IFNLR1: variants seen among roughly 807,000 people sequenced by gnomAD.
The protein encoded by IFNLR1 is interferon lambda receptor 1.
A neutral mutation model predicts 52.5 loss-of-function variants in IFNLR1; 28 were observed. The ratio of observed to expected loss-of-function variants is 0.53; its 90% CI spans 0.40 to 0.73. The LOEUF (loss-of-function observed/expected upper bound fraction) is 0.73. Ranked by LOEUF, IFNLR1 falls within the 30% of genes least tolerant of loss-of-function variation. The pLI is 0.00. For synonymous variants in IFNLR1, 276 were observed against 274.9 expected, an observed-to-expected ratio of 1.00 and a Z score of -0.04; for missense variants, 623 against 659.1, an observed-to-expected ratio of 0.95 and a Z score of 0.60.
chr1:24,185,488 T>C (rs562715759), intron 1 of IFNLR1, among the ~76,000 whole-genome samples: 8 of 152,376 alleles, frequency 5.3e-5, no homozygotes, highest in African/African-American at 1.9e-4. Context: ...CCATACGGGT[T>C]GCAAAATGGC....
chr1:24,174,638 G>A (rs985489605), intron 2 of IFNLR1, among the ~76,000 whole-genome samples: 1 of 152,132 alleles, frequency 6.6e-6, no homozygotes, highest in Non-Finnish European at 1.5e-5. Context: ...AAGTTCATTG[G>A]CTAGCCATCT....
chr1:24,183,791 A>T (rs1644712799), intron 1 of IFNLR1, among the ~76,000 whole-genome samples: 1 of 152,144 alleles, frequency 6.6e-6, no homozygotes, highest in Admixed American at 6.6e-5. Flanking sequence ...GTACAGTGGC[A>T]CAATCTCAGC....
chr1:24,186,949 T>C (rs1203241015), intron 1 of IFNLR1, among the ~76,000 whole-genome samples: 1 of 152,212 alleles, frequency 6.6e-6, no homozygotes, highest in Non-Finnish European at 1.5e-5. Context: ...TTTCTCCAGT[T>C]CTCCTGAAGC....
At chr1:24,163,881 A>G (rs1374185403) in intron 3 of IFNLR1, among the ~76,000 whole-genome samples, 1 of 152,044 alleles carries the variant, frequency 6.6e-6, no homozygotes, top group Non-Finnish European at 1.5e-5. Flanking sequence ...TACCCAACCC[A>G]CATCTCTTTC....
chr1:24,180,647 G>C (rs1209786499), intron 2 of IFNLR1, 84 bp downstream of exon 2: 2 of 1,369,302 alleles, frequency 1.5e-6, no homozygotes, highest in Non-Finnish European at 2.0e-6. Flanking sequence ...GCCCACACTG[G>C]GTGCAGCTGT....
At position 24,162,724 on chromosome 1, in the gene IFNLR1, T is replaced by TTTTCTTTC. The variant is rs869032994; in HGVS notation, c.368-1048_368-1041dup. Reference sequence around the variant, plus strand: ...TTCTTTTCTTTTCTTTCTTTCTTTCTTTTCTTTCTTTCTTTCTTTCTTTCT... The same window carrying TTTTCTTTC: ...TTCTTTTCTTTTCTTTCTTTCTTTCTTTTCTTTCTTTCTTTCTTTCTTTCTTTCTTTCT... On this transcript the variant is annotated intron_variant, in intron 3 of 6. Coordinates refer to ENST00000327535, the MANE Select transcript of IFNLR1 (RefSeq NM_170743.4). 1.1e-3 allele frequency among the ~76,000 whole-genome samples: 37 copies of TTTTCTTTC among 32,484 alleles called. 2 individuals are homozygous for TTTTCTTTC. Among genetic ancestry groups the TTTTCTTTC allele is most frequent in the Middle Eastern group, 0.012 (1 of 82 alleles). 21.3% of individuals were successfully genotyped at this position (32,484 alleles called of 152,430 possible). A position where few individuals can be genotyped will look rare whatever the true frequency, so the allele number is the denominator to read the frequency against.
In IFNLR1 at chr1:24,159,135, A is replaced by G; in HGVS notation, c.718T>C (p.Leu240=). The G allele has an allele frequency of 6.2e-7, 1 of 1,614,098 alleles. No homozygotes were observed. Among genetic ancestry groups the G allele is most frequent in the South Asian group, 1.1e-5 (1 of 91,070 alleles). Residue 240 remains leucine, a synonymous_variant, in exon 6 of 7, where the codon TTA becomes CTA. Coordinates refer to ENST00000327535, the MANE Select transcript of IFNLR1 (RefSeq NM_170743.4). ...LVLPSLLILL[L]VIAAGGVIWK... ...ATCACACCCCCTGCGGCAATTACTAACAGCAGTATCAGAAGCGATGGCAGC... is the reference window on the plus strand; with the variant it reads ...ATCACACCCCCTGCGGCAATTACTAGCAGCAGTATCAGAAGCGATGGCAGC...
chr1:24,180,678 C>CCCCACCCCCCCCCCCCCCCCCCCTCCT, intron 2 of IFNLR1, 53 bp downstream of exon 2: 1 of 1,111,076 alleles, frequency 9.0e-7, no homozygotes, highest in Admixed American at 2.1e-5. Flanking sequence ...CCCCTCCAGC[C>CCCCACCCCCCCCCCCCCCCCCCCTCCT]CCCACCCACC....
chr1:24,161,537 C>T lies in IFNLR1; in HGVS notation c.510+5G>A. The T allele has an allele frequency of 6.4e-7, 1 of 1,554,782 alleles. No individual in the cohort carries two copies. On this transcript the variant is annotated splice_donor_5th_base_variant and intron_variant, in intron 4 of 6. Coordinates refer to ENST00000327535, the MANE Select transcript of IFNLR1 (RefSeq NM_170743.4). ...TAGCCTGGGGGCAGGAAAGGAGCTT[C>T]CCACCTTGTTTCCGGCCCCCTCCTT...
intron 2 of IFNLR1, among the ~76,000 whole-genome samples, chr1:24,175,284 T>A (rs890011160): frequency 3.3e-5 from 5 of 152,128 alleles, no homozygotes; most frequent in African/African-American, 1.2e-4. Context: ...GAGGGTAGGG[T>A]CACCACCCAG....
chr1:24,177,022 A>C (rs1002852447), intron 2 of IFNLR1, among the ~76,000 whole-genome samples: 6 of 152,234 alleles, frequency 3.9e-5, no homozygotes, highest in Admixed American at 3.3e-4. Context: ...TAATTTAAGA[A>C]AACCTTCCTA....
Position 24,159,119 on chromosome 1 carries a change from C to A in IFNLR1, c.734G>T (p.Gly245Val). ...LLILLLVIAA[G>V]GVIWKTLMGN... Reference sequence around the variant, plus strand: ...CATGAGGGTCTTCCAGATCACACCCCCTGCGGCAATTACTAACAGCAGTAT... The same window carrying A: ...CATGAGGGTCTTCCAGATCACACCCACTGCGGCAATTACTAACAGCAGTAT... Residue 245 changes from glycine (G) to valine (V), a missense_variant, in exon 6 of 7, where the codon GGG becomes GTG. By Grantham distance (109) the Gly-to-Val change is moderately radical. Transcript: ENST00000327535. 6.2e-7 allele frequency: 1 copy of A among 1,614,170 alleles called. No individual in the cohort carries two copies. Among genetic ancestry groups the A allele is most frequent in the Non-Finnish European group, 8.5e-7 (1 of 1,180,030 alleles).
chr1:24,186,379 A>T (rs1644739300), intron 1 of IFNLR1, among the ~76,000 whole-genome samples: 2 of 152,160 alleles, frequency 1.3e-5, no homozygotes, highest in South Asian at 4.1e-4. Context: ...AGTAAAAATA[A>T]TATCTACCTC....
chr1:24,187,076 C>T (rs1414125914), intron 1 of IFNLR1, 115 bp downstream of exon 1: 17 of 604,270 alleles, frequency 2.8e-5, no homozygotes, highest in Non-Finnish European at 4.1e-5. Context: ...GATTCGCACC[C>T]GGCTCGGGTG....
Position 24,157,191 on chromosome 1 carries a change from G to GC in IFNLR1, c.1501dup (p.Ala501GlyfsTer2). ...GTCCTCGGTCCTCTGGGTGCTCTCAGCCCCCCAGCTGCCCGCATCGCTGTC... is the reference window on the plus strand; with the variant it reads ...GTCCTCGGTCCTCTGGGTGCTCTCAGCCCCCCCAGCTGCCCGCATCGCTGTC... On this transcript the variant is annotated frameshift_variant, in exon 7 of 7. Coordinates refer to ENST00000327535, the MANE Select transcript of IFNLR1 (RefSeq NM_170743.4). LOFTEE classifies it high-confidence loss of function. The surrounding 1 kb of genome is among the most constrained non-coding windows in gnomAD (Gnocchi z 5.1). 3 of 1,614,058 alleles carry GC rather than the reference G, an allele frequency of 1.9e-6. No individual in the cohort carries two copies. Among genetic ancestry groups the GC allele is most frequent in the Non-Finnish European group, 2.5e-6 (3 of 1,179,992 alleles).
chr1:24,163,078 G>A (rs920717708), intron 3 of IFNLR1, among the ~76,000 whole-genome samples: 5 of 145,584 alleles, frequency 3.4e-5, no homozygotes, highest in African/African-American at 7.7e-5. Context: ...CTCCTGCTTC[G>A]GCCTCCTGAG....
rs1296827762 is a variant in IFNLR1, at chr1:24,154,373, C to T, written c.*2757G>A. 1.3e-5 allele frequency: 2 copies of T among 152,218 alleles called. No homozygotes were observed. The highest frequency in any genetic ancestry group is 1.9e-4 in the East Asian group (1 of 5,190). The allele number at this position is 152,218 out of a possible 1,614,324, so 9.4% of individuals were successfully genotyped here. ...CACTTTTCACGGGATATGCTTCCAG[C>T]GCAGGCCCAGCCCACACCGCGCAGT... is the stretch of plus-strand genomic sequence containing the variant. On this transcript the variant is annotated 3_prime_UTR_variant, in exon 7 of 7. Transcript: ENST00000327535.
rs143046738 is a variant in IFNLR1 at position 24,159,600 on chromosome 1, C to T, written c.544G>A (p.Val182Ile). Reference protein sequence around the residue: ...LFPVTPHGQPVQITLQPAASE... With the variant: ...LFPVTPHGQPIQITLQPAASE... ...GCAGCTGGCTGGAGAGTGATCTGGA[C>T]TGGCTGGCCATGGGGAGTGACTGGA... The change falls in exon 5 of 7, where the codon GTC (valine) becomes ATC (isoleucine). Residue 182 changes from valine (V) to isoleucine (I), a missense_variant. Transcript: ENST00000327535. The T allele has an allele frequency of 1.2e-6, 2 of 1,613,986 alleles. No homozygotes were observed. The highest frequency in any genetic ancestry group is 2.7e-5 in the African/African-American group (2 of 74,890).
In IFNLR1 at chr1:24,156,471, A is replaced by C. The variant is rs1007352135; in HGVS notation, c.*659T>G. On this transcript the variant is annotated 3_prime_UTR_variant, in exon 7 of 7. Transcript: ENST00000327535. ...GAGGAAGCCGAGGCAGAGAAGGAAG[A>C]TGTCTTCCCCAAGATCATACAACCA... 1 of 152,660 alleles carries C rather than the reference A, an allele frequency of 6.6e-6. No individual in the cohort carries two copies. The highest frequency in any genetic ancestry group is 2.4e-5 in the African/African-American group (1 of 41,426). 9.5% of individuals were successfully genotyped at this position (152,660 alleles called of 1,614,324 possible).
Sources: allele counts gnomAD v4.1 joint callset (sites outside exome capture counted in the v4.1 genomes callset), GRCh38; gene constraint gnomAD v4.1.1; non-coding constraint Gnocchi (gnomAD v3.1); transcripts MANE v1.5; gene names NCBI Gene and HGNC (gene_info 2026-07-23, HGNC 2026-07-21).